The following ZNF254 variants were observed in gnomAD, a reference collection of about 807,000 sequenced individuals.
ZNF254 encodes CTD-2017D11.1.
A neutral mutation model predicts 12.4 loss-of-function variants in ZNF254; 10 were observed. The observed-to-expected ratio is 0.80, with a 90% CI of 0.50 to 1.36. The LOEUF is 1.36. ZNF254 is among the 40% of genes most tolerant of loss of function. The pLI is 0.00. For missense variants in ZNF254, 996 were observed against 763.9 expected (o/e 1.30, Z -3.58); for synonymous variants, 305 against 253.4 (o/e 1.20, Z -1.93).
exon 1 of ZNF254, chr19:24,033,516 C>A: frequency 4.5e-6 from 1 of 223,708 alleles, no homozygotes; most frequent in South Asian, 4.6e-5. Context: ...CATTCTCCAC[C>A]TCGGGAGCCC....
intron 1 of ZNF254, among the ~76,000 whole-genome samples, chr19:24,089,360 G>A (rs565699036): frequency 1.3e-5 from 2 of 152,296 alleles, no homozygotes; most frequent in East Asian, 3.9e-4. Context: ...TGAGAAGAAA[G>A]CAAAGAATAA....
At chr19:24,059,835 G>A (rs1971002371) in intron 2 of ZNF254, among the ~76,000 whole-genome samples, 1 of 152,092 alleles carries the variant, frequency 6.6e-6, no homozygotes, top group Non-Finnish European at 1.5e-5. Flanking sequence ...CCAGGGCATG[G>A]CATATTATGA....
chr19:24,066,389 G>A (rs1445974825), intron 2 of ZNF254: 2 of 152,094 alleles, frequency 1.3e-5, no homozygotes, highest in East Asian at 3.9e-4. Flanking sequence ...CTTCTTTTAG[G>A]TTTGCCTTCA....
At chr19:24,039,690 G>A (rs924801337) in intron 1 of ZNF254, among the ~76,000 whole-genome samples, 1 of 152,270 alleles carries the variant, frequency 6.6e-6, no homozygotes, top group African/African-American at 2.4e-5. Flanking sequence ...AACAGTCATG[G>A]ACTCTACTAT....
Position 24,129,892 on chromosome 19 carries a change from C to G in ZNF254, c.*1912C>G, listed in dbSNP as rs1034794501. 1 of 151,828 alleles carries G rather than the reference C, an allele frequency of 6.6e-6. No individual in the cohort carries two copies. Among genetic ancestry groups the G allele is most frequent in the Non-Finnish European group, 1.5e-5 (1 of 67,956 alleles). 9.4% of individuals were successfully genotyped at this position (151,828 alleles called of 1,614,324 possible). A position where few individuals can be genotyped will look rare whatever the true frequency, so the allele number is the denominator to read the frequency against. On this transcript the variant is annotated 3_prime_UTR_variant, in exon 4 of 4. Transcript: ENST00000357002. Reference sequence around the variant, plus strand: ...AATATGTGACCTTTGCCTGCAAGCACATATGGACTCTTAGAATTGATTTAC... The same window carrying G: ...AATATGTGACCTTTGCCTGCAAGCAGATATGGACTCTTAGAATTGATTTAC...
intron 1 of ZNF254, 61 bp downstream of exon 1, chr19:24,087,398 GC>G (rs1972091692): frequency 1.9e-6 from 3 of 1,608,770 alleles, no homozygotes. Context: ...CTGGTGGGAA[GC>G]GGCTGTGGCG....
At chr19:24,108,820 G>A (rs557240479) in intron 3 of ZNF254, among the ~76,000 whole-genome samples, 11 of 152,188 alleles carry the variant, frequency 7.2e-5, no homozygotes, top group African/African-American at 2.4e-4. Flanking sequence ...TATACATGTC[G>A]TGCCTGAATT....
At chr19:24,094,060 G>A (rs1021177517) in intron 1 of ZNF254, among the ~76,000 whole-genome samples, 1 of 152,000 alleles carries the variant, frequency 6.6e-6, no homozygotes, top group Non-Finnish European at 1.5e-5. Flanking sequence ...TTTATGATTC[G>A]TATTTGGCTT....
Position 24,118,341 on chromosome 19 carries a change from C to A in ZNF254, c.254-7913C>A, listed in dbSNP as rs184167770. ...TGCTGGGATTACAGGCGTGAGCCAC[C>A]TCACTTGGCCAAGGGTTTTACTGCA... On this transcript the variant is annotated intron_variant, in intron 3 of 3. Coordinates refer to ENST00000357002, the MANE Select transcript of ZNF254 (RefSeq NM_203282.4). Among the ~76,000 whole-genome samples, 335 of 152,186 alleles carry A rather than the reference C, an allele frequency of 2.2e-3. 1 individual carries two copies. The highest frequency in any genetic ancestry group is 7.8e-3 in the African/African-American group (322 of 41,536).
At chr19:24,034,469 T>C (rs1057284023) in intron 1 of ZNF254, among the ~76,000 whole-genome samples, 14 of 150,268 alleles carry the variant, frequency 9.3e-5, no homozygotes, top group Non-Finnish European at 1.9e-4. Flanking sequence ...ATATGACAAA[T>C]TTAGATTTAG....
intron 2 of ZNF254, among the ~76,000 whole-genome samples, chr19:24,049,214 A>ATATTTTTTTTT (rs1160333151): frequency 2.4e-5 from 1 of 40,868 alleles, no homozygotes; most frequent in South Asian, 8.3e-4. Flanking sequence ...ATATATATAT[A>ATATTTTTTTTT]TTTTTTTTTT....
chr19:24,107,472 T>C (rs1035142948), intron 3 of ZNF254: 22 of 332,362 alleles, frequency 6.6e-5, no homozygotes, highest in African/African-American at 1.5e-4. Flanking sequence ...AGTTTTTTTT[T>C]CCTCTATTTT....
intron 1 of ZNF254, among the ~76,000 whole-genome samples, chr19:24,088,200 G>GCC (rs1458105888): frequency 6.6e-6 from 1 of 152,016 alleles, no homozygotes; most frequent in Non-Finnish European, 1.5e-5. Flanking sequence ...GAGCCACCGT[G>GCC]CCCAGCCTCG....
chr19:24,121,240 TG>T (rs1409053730), intron 3 of ZNF254, among the ~76,000 whole-genome samples: 4 of 152,338 alleles, frequency 2.6e-5, no homozygotes, highest in South Asian at 2.1e-4. Context: ...ACCACTGTAT[TG>T]TTTTTTTTTC....
At chr19:24,098,034 A>C (rs1218055490) in intron 1 of ZNF254, among the ~76,000 whole-genome samples, 1 of 152,106 alleles carries the variant, frequency 6.6e-6, no homozygotes, top group African/African-American at 2.4e-5. Flanking sequence ...TGAATTCCTT[A>C]AATAGCTATT....
At chr19:24,095,782 GTTTA>G (rs1377301351) in intron 1 of ZNF254, among the ~76,000 whole-genome samples, 2 of 151,672 alleles carry the variant, frequency 1.3e-5, no homozygotes, top group African/African-American at 2.4e-5. Context: ...CTAGTTAGTG[GTTTA>G]TTTATTTTTT....
At chr19:24,034,493 T>G (rs1410562277) in intron 1 of ZNF254, among the ~76,000 whole-genome samples, 1 of 128,292 alleles carries the variant, frequency 7.8e-6, no homozygotes, top group Admixed American at 7.9e-5. Context: ...AGTGGGTTTT[T>G]TTTTTTTTTT....
In ZNF254 at chr19:24,035,493, G is replaced by A. The variant is rs570742441; in HGVS notation, c.-190+1872G>A. 4.6e-5 allele frequency among the ~76,000 whole-genome samples: 7 copies of A among 152,186 alleles called. No homozygotes were observed. The East Asian group carries it at 9.7e-4, about 21-fold the overall frequency. On this transcript the variant is annotated intron_variant, in intron 1 of 4. Coordinates refer to the ZNF254 transcript ENST00000613065. The stretch of plus-strand genomic sequence containing the variant: ...AGCCTGTTTTTGAGGAACATAGGCC[G>A]AGTGCGGTATTTTTAATATAAAAAT...
intron 2 of ZNF254, among the ~76,000 whole-genome samples, chr19:24,048,213 T>A: frequency 6.6e-6 from 1 of 151,712 alleles, no homozygotes; most frequent in Admixed American, 6.6e-5. Context: ...TGGCCACACG[T>A]TTGGGTTGAT....
Sources: allele counts gnomAD v4.1 joint callset (sites outside exome capture counted in the v4.1 genomes callset), GRCh38; gene constraint gnomAD v4.1.1; transcripts MANE v1.5; gene names NCBI Gene and HGNC (gene_info 2026-07-23, HGNC 2026-07-21).